Variants in CBARP observed in about 807,000 individuals in gnomAD.
CBARP encodes the protein voltage-dependent calcium channel beta subunit-associated regulatory protein.
A neutral mutation model predicts 36.3 loss-of-function variants in CBARP; 24 were observed. That is an observed-to-expected ratio of 0.66 (90% CI 0.48 to 0.93). CBARP has a LOEUF of 0.93. Among genes scored for constraint, CBARP ranks in the 40% least tolerant of loss-of-function variants. The probability of loss-of-function intolerance (pLI) is 0.00; values close to 1 mark genes in which losing one functional copy is unlikely to be tolerated. For synonymous variants in CBARP, 586 were observed against 453.2 expected (o/e 1.29, Z -3.72); for missense variants, 1,146 against 980.4 (o/e 1.17, Z -2.26).
chr19:1,230,682 T>TG, intron 9 of CBARP: 1 of 1,276,930 alleles, frequency 7.8e-7, no homozygotes, highest in Non-Finnish European at 9.9e-7. Context: ...TTCAGGGAAG[T>TG]TGCCCTTGGG....
Position 1,233,492 on chromosome 19 carries a change from G to C in CBARP, c.913C>G (p.Pro305Ala). ...RRHASLDGAS[P>A]YFKVKKWKLE... ...TTCCACTTCTTGACCTTGAAATAGGGGCTGGCCCCATCCAGGCTGGCATGG... is the reference window on the plus strand; with the variant it reads ...TTCCACTTCTTGACCTTGAAATAGGCGCTGGCCCCATCCAGGCTGGCATGG... Residue 305 changes from proline (P) to alanine (A), a missense_variant, in exon 8 of 10, where the codon CCC becomes GCC. Physicochemically the swap from Pro to Ala is conservative, Grantham distance 27 (BLOSUM62 -1). Coordinates refer to ENST00000650044, the MANE Select transcript of CBARP (RefSeq NM_001393918.1). The C allele has an allele frequency of 6.2e-7, 1 of 1,606,404 alleles. No individual in the cohort carries two copies. Among genetic ancestry groups the C allele is most frequent in the South Asian group, 1.1e-5 (1 of 90,122 alleles).
chr19:1,232,495 C>T (rs2080907159), intron 8 of CBARP, among the ~76,000 whole-genome samples: 1 of 152,160 alleles, frequency 6.6e-6, no homozygotes, highest in Non-Finnish European at 1.5e-5. Flanking sequence ...CCCAGCCCCT[C>T]TGGGCTGCCC....
At position 1,230,124 on chromosome 19, in the gene CBARP, T is replaced by C. The variant is rs11555077; in HGVS notation, c.1173A>G (p.Ala391=). ...GGGAATCGGGGCTCGCTCCTCCCGCTGCCTCGGCCGCCTCTAGCCTGCAAG... is the reference window on the plus strand; with the variant it reads ...GGGAATCGGGGCTCGCTCCTCCCGCCGCCTCGGCCGCCTCTAGCCTGCAAG... The part of the protein sequence containing the change: ...PALGRLEAAE[A]AGGASPDSPP... The change falls in exon 10 of 10, where the codon GCA becomes GCG. Residue 391 remains alanine, a synonymous_variant. Transcript: ENST00000650044. 9.6e-7 allele frequency: 1 copy of C among 1,045,592 alleles called. No individual in the cohort carries two copies. The highest frequency in any genetic ancestry group is 1.2e-6 in the Non-Finnish European group (1 of 864,924). The allele number at this position is 1,045,592 out of a possible 1,614,324, so 64.8% of individuals were successfully genotyped here. A position where few individuals can be genotyped will look rare whatever the true frequency, so the allele number is the denominator to read the frequency against.
rs578020868 is a variant in CBARP, at chr19:1,231,683, C to T, written c.980-408G>A. ...CACACACAACGCGTGTGCCCTGTCT[C>T]TGTCTCACACACACAGGAGTGGGCC... On this transcript the variant is annotated intron_variant, in intron 8 of 9. Transcript: ENST00000650044. 1.6e-4 allele frequency among the ~76,000 whole-genome samples: 24 copies of T among 151,370 alleles called. No individual in the cohort carries two copies. In the South Asian group the frequency reaches 4.6e-3, roughly 29 times the overall value.
At chr19:1,231,777 A>G in intron 8 of CBARP, among the ~76,000 whole-genome samples, 1 of 151,726 alleles carries the variant, frequency 6.6e-6, no homozygotes. Context: ...CTGTGTGTAC[A>G]CCCTGGAGTA....
intron 2 of CBARP, 28 bp downstream of exon 2, chr19:1,235,968 G>T (rs751618892): frequency 2.5e-6 from 4 of 1,584,882 alleles, no homozygotes; most frequent in Non-Finnish European, 3.4e-6. Flanking sequence ...ACGACCTCCT[G>T]CCCCTCCCAC....
rs752672010 is a variant in CBARP at position 1,236,046 on chromosome 19, C to A, written c.55G>T (p.Ala19Ser). Residue 19 changes from alanine to serine, a missense_variant, in exon 2 of 10, where the codon GCC becomes TCC. By Grantham distance (99) the Ala-to-Ser change is moderately conservative. Transcript: ENST00000650044. ...CACGACGTCGTCAGGGCTACTGTGG[C>A]AGTGGTGGTGGTGGTGGTGGTGGCG... ...TAATTTTTTT[A>S]TVALTTSWDN... is the part of the protein sequence containing the mutation. 1 of 1,531,130 alleles carries A rather than the reference C, an allele frequency of 6.5e-7. No homozygotes were observed. The allele number at this position is 1,531,130 out of a possible 1,614,324, so 94.8% of individuals were successfully genotyped here.
In CBARP at chr19:1,233,420, G is replaced by C; in HGVS notation, c.979+6C>G. On this transcript the variant is annotated splice_donor_region_variant and intron_variant, in intron 8 of 9. Coordinates refer to ENST00000650044, the MANE Select transcript of CBARP (RefSeq NM_001393918.1). ...GGCCCACTCTCCACCAGGTGCTACAGCTCACCTCTCGTGTCCAGACTGGCT... is the reference window on the plus strand; with the variant it reads ...GGCCCACTCTCCACCAGGTGCTACACCTCACCTCTCGTGTCCAGACTGGCT... 6.3e-7 allele frequency: 1 copy of C among 1,581,156 alleles called. No individual in the cohort carries two copies. Among genetic ancestry groups the C allele is most frequent in the East Asian group, 2.3e-5 (1 of 43,286 alleles).
At position 1,235,122 on chromosome 19, in the gene CBARP, G is replaced by A; in HGVS notation, c.334C>T (p.Pro112Ser). ...TCGGTCTCCGCATCCTGGCACTCGG[G>A]GTCCTCTCCCCGGAAGTCGGGGTCT... ...AQDPDFRGED[P>S]ECQDAETERF... The change falls in exon 5 of 10, where the codon CCC becomes TCC. Residue 112 changes from proline to serine, a missense_variant. Transcript: ENST00000650044. 6.3e-7 allele frequency: 1 copy of A among 1,597,766 alleles called. No homozygotes were observed. Among genetic ancestry groups the A allele is most frequent in the Non-Finnish European group, 8.5e-7 (1 of 1,172,908 alleles).
chr19:1,233,886 C>T (rs2080926564), intron 7 of CBARP, among the ~76,000 whole-genome samples: 1 of 152,208 alleles, frequency 6.6e-6, no homozygotes. Flanking sequence ...AGGTGCGTGT[C>T]TAGAAGGTCT....
intron 8 of CBARP, among the ~76,000 whole-genome samples, chr19:1,232,235 G>T (rs955822196): frequency 1.3e-5 from 2 of 152,158 alleles, no homozygotes; most frequent in African/African-American, 4.8e-5. Flanking sequence ...TTCATTTCAA[G>T]ATCTGGATTC....
In CBARP at chr19:1,234,176, C is replaced by T. The variant is rs368354333; in HGVS notation, c.768+15G>A. On this transcript the variant is annotated intron_variant, in intron 7 of 9. Transcript: ENST00000650044. ...CCGGCTGTGGACACCATGGGGGACA[C>T]GCAGGGGCCCTCACCGAGGTGCCTT... 1.5e-4 allele frequency: 227 copies of T among 1,504,508 alleles called. No homozygotes were observed. Among genetic ancestry groups the T allele is most frequent in the Non-Finnish European group, 1.8e-4 (201 of 1,131,106 alleles). 93.2% of individuals were successfully genotyped at this position (1,504,508 alleles called of 1,614,324 possible).
chr19:1,231,603 C>A (rs1299417958), intron 8 of CBARP, among the ~76,000 whole-genome samples: 5 of 115,828 alleles, frequency 4.3e-5, no homozygotes, highest in Non-Finnish European at 1.8e-5. Context: ...ATGCCTGTGC[C>A]CCCCCCACAG....
chr19:1,236,543 G>C (rs77589913), intron 1 of CBARP, among the ~76,000 whole-genome samples: 1 of 152,026 alleles, frequency 6.6e-6, no homozygotes, highest in African/African-American at 2.4e-5. Flanking sequence ...GGGGTGGGGG[G>C]CTACCCCCAC....
intron 4 of CBARP, 72 bp downstream of exon 4, chr19:1,235,429 C>A: frequency 4.8e-6 from 7 of 1,448,778 alleles, no homozygotes; most frequent in Non-Finnish European, 6.5e-6. Context: ...GGTCAGGCAG[C>A]CCGAGGGGGC....
intron 1 of CBARP, among the ~76,000 whole-genome samples, 168 bp downstream of exon 1, chr19:1,237,588 G>C (rs1044006746): frequency 1.3e-5 from 2 of 151,958 alleles, no homozygotes; most frequent in African/African-American, 2.4e-5. Context: ...GGGCCTGAGC[G>C]GGGGTCCCTC....
chr19:1,236,047 A>AGTGGTG lies in CBARP; in HGVS notation c.48_53dup (p.Thr17_Thr18dup), dbSNP rs751898880. ...ACGACGTCGTCAGGGCTACTGTGGC[A>AGTGGTG]GTGGTGGTGGTGGTGGTGGTGGCGG... On this transcript the variant is annotated inframe_insertion, in exon 2 of 10. Coordinates refer to ENST00000650044, the MANE Select transcript of CBARP (RefSeq NM_001393918.1). 28 of 1,492,432 alleles carry AGTGGTG rather than the reference A, an allele frequency of 1.9e-5. No homozygotes were observed. Among genetic ancestry groups the AGTGGTG allele is most frequent in the Middle Eastern group, 3.5e-4 (2 of 5,660 alleles). 92.4% of individuals were successfully genotyped at this position (1,492,432 alleles called of 1,614,324 possible). A position where few individuals can be genotyped will look rare whatever the true frequency, so the allele number is the denominator to read the frequency against.
intron 9 of CBARP, chr19:1,230,505 C>T (rs2080875897): frequency 9.8e-7 from 1 of 1,016,524 alleles, no homozygotes; most frequent in African/African-American, 1.7e-5. Flanking sequence ...TTGAGTCCAG[C>T]TCAGCCCCTG....
Position 1,229,076 on chromosome 19 carries a change from C to T in CBARP, c.*103G>A. The T allele has an allele frequency of 3.3e-6, 1 of 302,676 alleles. No homozygotes were observed. The highest frequency in any genetic ancestry group is 4.9e-6 in the Non-Finnish European group (1 of 206,014). 18.7% of individuals were successfully genotyped at this position (302,676 alleles called of 1,614,324 possible). The stretch of plus-strand genomic sequence containing the variant: ...GCGTGCGCGAAGGGCCCGCGGTCCC[C>T]GCGCATTCGCGTCGGGGCGTCGCGC... On this transcript the variant is annotated 3_prime_UTR_variant, in exon 10 of 10. Transcript: ENST00000650044. The surrounding 1 kb of genome is among the most constrained non-coding windows in gnomAD (Gnocchi z 5.1).
Sources: gnomAD v4.1 joint callset for allele counts (sites outside exome capture counted in the v4.1 genomes callset) on GRCh38, gnomAD v4.1.1 for gene constraint, Gnocchi (gnomAD v3.1) non-coding constraint, MANE v1.5 for transcripts, NCBI Gene and HGNC (gene_info 2026-07-23, HGNC 2026-07-21) for gene names.